The following DLG2 variants were observed in gnomAD, a reference collection of about 807,000 sequenced individuals.
The protein encoded by DLG2 is discs large MAGUK scaffold protein 2.
A neutral mutation model predicts 132.5 loss-of-function variants in DLG2; 45 were observed. The ratio of observed to expected loss-of-function variants is 0.34; its 90% CI spans 0.27 to 0.44. DLG2 has a LOEUF of 0.44. Ranked by LOEUF, DLG2 falls within the 20% of genes least tolerant of loss-of-function variation. The pLI is 1.00. For synonymous variants in DLG2, 424 were observed against 419.6 expected, an observed-to-expected ratio of 1.01 and a Z score of -0.13; for missense variants, 1,045 against 1,196.9, an observed-to-expected ratio of 0.87 and a Z score of 1.87.
chr11:83,590,947 G>A (rs1414894259), intron 19 of DLG2, among the ~76,000 whole-genome samples: 3 of 151,630 alleles, frequency 2.0e-5, no homozygotes, highest in Admixed American at 1.3e-4. Context: ...CCAGGAAGAA[G>A]TTGAATCTCT....
At chr11:84,051,479 A>T (rs1056094765) in intron 11 of DLG2, among the ~76,000 whole-genome samples, 3 of 151,918 alleles carry the variant, frequency 2.0e-5, no homozygotes, top group African/African-American at 7.3e-5. Flanking sequence ...TTGTAGGGAC[A>T]TGGATGAAGC....
At chr11:83,965,002 A>G (rs1159841403) in intron 13 of DLG2, among the ~76,000 whole-genome samples, 1 of 151,998 alleles carries the variant, frequency 6.6e-6, no homozygotes, top group Non-Finnish European at 1.5e-5. Context: ...AAATAATATG[A>G]TGGCATGAGA....
At chr11:85,324,822 G>A (rs549138373) in intron 3 of DLG2, among the ~76,000 whole-genome samples, 11 of 151,960 alleles carry the variant, frequency 7.2e-5, no homozygotes, top group South Asian at 6.3e-4. Flanking sequence ...CGTGAGCGAC[G>A]CAGAAGACGG....
rs533033390 is a variant in DLG2 at position 85,609,261 on chromosome 11, A to G, written c.-92-10473T>C. Among the ~76,000 whole-genome samples, 11 of 152,256 alleles carry G rather than the reference A, an allele frequency of 7.2e-5. No individual in the cohort carries two copies. The East Asian group carries it at 1.9e-3, about 27-fold the overall frequency. ...GGGGTCAATTGATTCTAAAAGATAC[A>G]TTTATTACCCAATCAGCTGCAGATA... On this transcript the variant is annotated intron_variant, in intron 2 of 27. Coordinates refer to ENST00000376104, the MANE Select transcript of DLG2 (RefSeq NM_001142699.3).
chr11:84,088,180 CAT>C (rs1412674671), intron 10 of DLG2, among the ~76,000 whole-genome samples: 1 of 152,066 alleles, frequency 6.6e-6, no homozygotes, highest in African/African-American at 2.4e-5. Flanking sequence ...CTTTTTGTGT[CAT>C]ATAAAGAAAC....
At chr11:84,856,440 T>C (rs191870635) in intron 6 of DLG2, among the ~76,000 whole-genome samples, 1 of 152,148 alleles carries the variant, frequency 6.6e-6, no homozygotes, top group East Asian at 1.9e-4. Context: ...CTTTCTCCTC[T>C]CTCTGAAGAT....
chr11:85,182,445 A>T (rs538627521), intron 4 of DLG2, among the ~76,000 whole-genome samples: 1 of 152,112 alleles, frequency 6.6e-6, no homozygotes, highest in East Asian at 1.9e-4. Context: ...ATACTAAATC[A>T]GTTAGTTGTT....
chr11:84,448,617 G>T (rs1352322516), intron 7 of DLG2, among the ~76,000 whole-genome samples: 1 of 151,918 alleles, frequency 6.6e-6, no homozygotes, highest in Non-Finnish European at 1.5e-5. Flanking sequence ...AATTTTCTGA[G>T]ATGTGGCTAA....
chr11:84,548,550 C>A (rs1046598554), intron 6 of DLG2, among the ~76,000 whole-genome samples: 2 of 151,096 alleles, frequency 1.3e-5, no homozygotes, highest in African/African-American at 2.4e-5. Context: ...TTTGTCCTTG[C>A]GATAGTTTGC....
chr11:84,080,907 A>G (rs1277291503), intron 10 of DLG2, among the ~76,000 whole-genome samples: 4 of 151,644 alleles, frequency 2.6e-5, no homozygotes, highest in Non-Finnish European at 5.9e-5. Context: ...CAGGAGACTC[A>G]CTTGAACCCA....
chr11:83,984,955 T>G (rs2093137487), intron 11 of DLG2, among the ~76,000 whole-genome samples: 1 of 152,118 alleles, frequency 6.6e-6, no homozygotes. Flanking sequence ...GTATTTTTTA[T>G]CCATTGACCA....
intron 21 of DLG2, among the ~76,000 whole-genome samples, chr11:83,511,512 C>T (rs1003005775): frequency 6.6e-5 from 10 of 152,020 alleles, no homozygotes; most frequent in African/African-American, 2.4e-4. Flanking sequence ...GGTGCTGTTA[C>T]CTCCATCATA....
chr11:85,439,833 T>A (rs1265971721), intron 3 of DLG2, among the ~76,000 whole-genome samples: 1 of 152,160 alleles, frequency 6.6e-6, no homozygotes, highest in East Asian at 1.9e-4. Flanking sequence ...ATGTTTGCAG[T>A]AAGGAGGAAA....
At chr11:84,289,249 C>G (rs2154374685) in intron 7 of DLG2, among the ~76,000 whole-genome samples, 1 of 152,148 alleles carries the variant, frequency 6.6e-6, no homozygotes, top group East Asian at 1.9e-4. Flanking sequence ...GGAAACAAAG[C>G]ACAGTCATTA....
chr11:84,708,599 C>T (rs992664389), intron 6 of DLG2, among the ~76,000 whole-genome samples: 16 of 151,722 alleles, frequency 1.1e-4, no homozygotes, highest in Non-Finnish European at 1.8e-4. Context: ...CTGGAAGATG[C>T]TTGCTCTCCC....
At chr11:83,762,872 T>C (rs1404847804) in intron 18 of DLG2, among the ~76,000 whole-genome samples, 2 of 152,204 alleles carry the variant, frequency 1.3e-5, no homozygotes. Flanking sequence ...TGAGCCAATG[T>C]GCCTGGCCAA....
intron 24 of DLG2, among the ~76,000 whole-genome samples, chr11:83,471,042 A>C (rs938317679): frequency 6.6e-6 from 1 of 152,058 alleles, no homozygotes; most frequent in African/African-American, 2.4e-5. Flanking sequence ...TAAGGCTACA[A>C]TCAGAGGGAC....
intron 6 of DLG2, among the ~76,000 whole-genome samples, chr11:84,604,924 A>G (rs1334984717): frequency 2.0e-5 from 3 of 151,996 alleles, no homozygotes; most frequent in Non-Finnish European, 4.4e-5. Flanking sequence ...CTCCCAAGTG[A>G]TAATTATTTT....
intron 3 of DLG2, among the ~76,000 whole-genome samples, chr11:85,333,998 T>C (rs1360784938): frequency 6.6e-6 from 1 of 152,146 alleles, no homozygotes; most frequent in African/African-American, 2.4e-5. Context: ...GTAGTTTCAG[T>C]AGGATTTGTA....
Sources: allele counts gnomAD v4.1 joint callset (sites outside exome capture counted in the v4.1 genomes callset), GRCh38; gene constraint gnomAD v4.1.1; transcripts MANE v1.5; gene names NCBI Gene and HGNC (gene_info 2026-07-23, HGNC 2026-07-21).